Variants in SNX31 observed in about 807,000 individuals in gnomAD.
SNX31 encodes sorting nexin 31, also known as sorting nexin-31.
Under a neutral mutation model 65.4 loss-of-function variants are expected in SNX31, and 58 were observed. The ratio of observed to expected loss-of-function variants is 0.89; its 90% CI spans 0.72 to 1.10. The LOEUF is 1.10. Ranked by LOEUF, SNX31 falls within the 50% of genes least tolerant of loss-of-function variation. The probability of loss-of-function intolerance (pLI) is 0.00; values close to 1 mark genes in which losing one functional copy is unlikely to be tolerated. For synonymous variants in SNX31, 181 were observed against 190.1 expected (o/e 0.95, Z 0.39); for missense variants, 523 against 529.7 (o/e 0.99, Z 0.12).
rs1468484249 is a variant in SNX31 at position 100,625,993 on chromosome 8, G to A, written c.321+4334C>T. On this transcript the variant is annotated intron_variant, in intron 4 of 13. Transcript: ENST00000311812. This position sits in a 1 kb window ranked among gnomAD's most constrained non-coding sequence, Gnocchi z 4.2. ...TATAATCCCAGCAGTTTGGGAGGCC[G>A]AGATGGGTAGATCACCTGAGGTCAG... Among the ~76,000 whole-genome samples the A allele has an allele frequency of 2.0e-5, 3 of 152,172 alleles. No homozygotes were observed. Among genetic ancestry groups the A allele is most frequent in the East Asian group, 1.9e-4 (1 of 5,198 alleles).
Position 100,634,927 on chromosome 8 carries a change from G to C in SNX31, c.256+970C>G, listed in dbSNP as rs115543898. Among the ~76,000 whole-genome samples, 555 of 150,252 alleles carry C rather than the reference G, an allele frequency of 3.7e-3. 6 individuals carry two copies. Among genetic ancestry groups the C allele is most frequent in the African/African-American group, 0.013 (538 of 40,698 alleles). On this transcript the variant is annotated intron_variant, in intron 3 of 13. Transcript: ENST00000311812. ...TTTTTTTTTTAATTGGCCAGGCATG[G>C]TGCGTTGCACATATAGTCCCAGCTT...
chr8:100,612,118 T>C lies in SNX31; in HGVS notation c.524-31A>G, dbSNP rs766786035. On this transcript the variant is annotated intron_variant, in intron 6 of 13. Coordinates refer to ENST00000311812, the MANE Select transcript of SNX31 (RefSeq NM_152628.4). The surrounding 1 kb of genome is among the most constrained non-coding windows in gnomAD (Gnocchi z 4.3). ...GAAAGGAGAAAGCCGGTCTTACTGGTTGAAACAGCACAGACAGCTTATATA... is the reference window on the plus strand; with the variant it reads ...GAAAGGAGAAAGCCGGTCTTACTGGCTGAAACAGCACAGACAGCTTATATA... The C allele has an allele frequency of 8.2e-6, 12 of 1,457,302 alleles. No homozygotes were observed. In the Admixed American group the frequency reaches 8.4e-5, roughly 10 times the overall value. The allele number at this position is 1,457,302 out of a possible 1,614,324, so 90.3% of individuals were successfully genotyped here. A position where few individuals can be genotyped will look rare whatever the true frequency, so the allele number is the denominator to read the frequency against.
intron 7 of SNX31, 51 bp downstream of exon 7, chr8:100,611,949 G>C: frequency 7.2e-7 from 1 of 1,386,132 alleles, no homozygotes; most frequent in African/African-American, 1.4e-5. Flanking sequence ...GTCCTGATGG[G>C]CAATGGCGAA....
rs1009889541 is a variant in SNX31 at position 100,660,322 on chromosome 8, A to G, written c.-58+2820T>C. On this transcript the variant is annotated intron_variant, in intron 1 of 5. Transcript: ENST00000520352. This position sits in a 1 kb window ranked among gnomAD's most constrained non-coding sequence, Gnocchi z 4.1. ...AAAGAGGTGAGCTTGTCCCAGTCAC[A>G]TTGTTTAAAAGTGGCAGGGCCAGAA... Among the ~76,000 whole-genome samples the G allele has an allele frequency of 2.0e-5, 3 of 152,212 alleles. No homozygotes were observed. Among genetic ancestry groups the G allele is most frequent in the Admixed American group, 6.5e-5 (1 of 15,288 alleles).
rs1816494814 is a variant in SNX31, at chr8:100,609,314, T to G, written c.612-751A>C. Among the ~76,000 whole-genome samples, 1 of 152,156 alleles carries G rather than the reference T, an allele frequency of 6.6e-6. No homozygotes were observed. The highest frequency in any genetic ancestry group is 1.5e-5 in the Non-Finnish European group (1 of 68,040). On this transcript the variant is annotated intron_variant, in intron 7 of 13. Transcript: ENST00000311812. The surrounding 1 kb of genome is among the most constrained non-coding windows in gnomAD (Gnocchi z 4.9). The stretch of plus-strand genomic sequence containing the variant: ...CAGTGCCCCCTCCTCTGGTCCCTAC[T>G]CCCCAAGGCTGTATTAGCCGCCTGT...
chr8:100,656,901 C>A (rs1181324093), intron 1 of SNX31, among the ~76,000 whole-genome samples: 1 of 151,988 alleles, frequency 6.6e-6, no homozygotes, highest in Non-Finnish European at 1.5e-5. Context: ...ACAATGATTC[C>A]CAGATGTGAC....
rs1007701523 is a variant in SNX31 at position 100,614,001 on chromosome 8, A to G, written c.433-916T>C. Among the ~76,000 whole-genome samples, 1 of 152,196 alleles carries G rather than the reference A, an allele frequency of 6.6e-6. No individual in the cohort carries two copies. The highest frequency in any genetic ancestry group is 2.4e-5 in the African/African-American group (1 of 41,442). On this transcript the variant is annotated intron_variant, in intron 5 of 13. Coordinates refer to ENST00000311812, the MANE Select transcript of SNX31 (RefSeq NM_152628.4). The surrounding 1 kb of genome is among the most constrained non-coding windows in gnomAD (Gnocchi z 5.1). The stretch of plus-strand genomic sequence containing the variant: ...TCCCAGTTCTCTAGGTGGCAGTTGT[A>G]CAAATACCAGGCTCACAGGGGGCCT...
chr8:100,589,418 A>T (rs1225824710), intron 10 of SNX31, among the ~76,000 whole-genome samples: 3 of 152,164 alleles, frequency 2.0e-5, no homozygotes, highest in Non-Finnish European at 4.4e-5. Context: ...AAATCACCAC[A>T]GTTTGATATA....
In SNX31 at chr8:100,615,684, T is replaced by C. The variant is rs189907490; in HGVS notation, c.432+1936A>G. On this transcript the variant is annotated intron_variant, in intron 5 of 13. Transcript: ENST00000311812. ...GCCTGTTAGCCCAGGTTTATAGTAG[T>C]ATAGTAGGCATGTTACTGTACTAAA... Among the ~76,000 whole-genome samples the C allele has an allele frequency of 4.9e-3, 740 of 152,318 alleles. 6 individuals carry two copies. The highest frequency in any genetic ancestry group is 0.017 in the African/African-American group (705 of 41,568).
At chr8:100,618,130 T>C (rs1310652460) in intron 4 of SNX31, 1 of 985,268 alleles carries the variant, frequency 1.0e-6, no homozygotes, top group Non-Finnish European at 1.2e-6. Context: ...CCTTTTTTGG[T>C]GCTCTTCTAG....
chr8:100,584,212 C>A, intron 11 of SNX31, 24 bp from the exon 12 acceptor site: 1 of 1,565,496 alleles, frequency 6.4e-7, no homozygotes, highest in South Asian at 1.2e-5. Context: ...GAATAAAGAA[C>A]TCTTGTAACC....
At chr8:100,601,384 T>C (rs1047576802) in intron 8 of SNX31, among the ~76,000 whole-genome samples, 1 of 152,220 alleles carries the variant, frequency 6.6e-6, no homozygotes, top group Non-Finnish European at 1.5e-5. Context: ...AAGAGTCTAG[T>C]AGTAGACCCT....
In SNX31 at chr8:100,660,106, G is replaced by C. The variant is rs1188679499; in HGVS notation, c.-58+3036C>G. On this transcript the variant is annotated intron_variant, in intron 1 of 5. Transcript: ENST00000520352. The surrounding 1 kb of genome is among the most constrained non-coding windows in gnomAD (Gnocchi z 4.1). Reference sequence around the variant, plus strand: ...TGAAAGTAAATTATGCCAGTGAAATGATTTTGCTCAAATTATATATCAGTT... The same window carrying C: ...TGAAAGTAAATTATGCCAGTGAAATCATTTTGCTCAAATTATATATCAGTT... Among the ~76,000 whole-genome samples the C allele has an allele frequency of 6.6e-6, 1 of 152,156 alleles. No homozygotes were observed. Among genetic ancestry groups the C allele is most frequent in the Admixed American group, 6.5e-5 (1 of 15,268 alleles).
At chr8:100,592,963 A>T (rs1814719838) in intron 10 of SNX31, among the ~76,000 whole-genome samples, 1 of 152,156 alleles carries the variant, frequency 6.6e-6, no homozygotes. Flanking sequence ...CATTAATATA[A>T]ATTATCCAGA....
intron 4 of SNX31, among the ~76,000 whole-genome samples, chr8:100,628,182 C>A (rs557655342): frequency 6.6e-6 from 1 of 152,218 alleles, no homozygotes; most frequent in East Asian, 1.9e-4. Context: ...GTCAGTGTGG[C>A]GATTCCTCAG....
chr8:100,606,349 C>T (rs1042084132), intron 8 of SNX31, among the ~76,000 whole-genome samples: 1 of 152,190 alleles, frequency 6.6e-6, no homozygotes, highest in East Asian at 1.9e-4. Flanking sequence ...CATAATTATA[C>T]TTGGATTCAT....
Position 100,612,987 on chromosome 8 carries a change from C to G in SNX31, c.523+8G>C. ...TCCTAGCTGATTCATTTGTTCCTTC[C>G]TTCTTACCAGAGAGCTTGCCCTCCT... is the stretch of plus-strand genomic sequence containing the variant. On this transcript the variant is annotated splice_region_variant and intron_variant, in intron 6 of 13. Coordinates refer to ENST00000311812, the MANE Select transcript of SNX31 (RefSeq NM_152628.4). This position sits in a 1 kb window ranked among gnomAD's most constrained non-coding sequence, Gnocchi z 4.3. 1 of 1,613,282 alleles carries G rather than the reference C, an allele frequency of 6.2e-7. No homozygotes were observed. The highest frequency in any genetic ancestry group is 1.7e-5 in the Admixed American group (1 of 60,010).
At chr8:100,637,221 T>C (rs886384408) in intron 2 of SNX31, among the ~76,000 whole-genome samples, 3 of 152,174 alleles carry the variant, frequency 2.0e-5, no homozygotes, top group Admixed American at 6.5e-5. Context: ...GAACTAAAAA[T>C]GTGCATCTTT....
intron 11 of SNX31, among the ~76,000 whole-genome samples, chr8:100,586,669 G>T (rs1814079141): frequency 6.6e-6 from 1 of 152,168 alleles, no homozygotes; most frequent in South Asian, 2.1e-4. Context: ...TGGACCTAAG[G>T]ACCCACTCCT....
Sources: gnomAD v4.1 joint callset for allele counts (sites outside exome capture counted in the v4.1 genomes callset) on GRCh38, gnomAD v4.1.1 for gene constraint, Gnocchi (gnomAD v3.1) non-coding constraint, MANE v1.5 for transcripts, NCBI Gene and HGNC (gene_info 2026-07-23, HGNC 2026-07-21) for gene names.